Variants in HLA-DRB5 observed in about 807,000 individuals in gnomAD.
HLA-DRB5 encodes the protein major histocompatibility complex, class II, DR beta 5.
In HLA-DRB5, 11 loss-of-function variants were observed where a neutral mutation model predicts 22.4. The ratio of observed to expected loss-of-function variants is 0.49; its 90% CI spans 0.31 to 0.81. The LOEUF is 0.81. HLA-DRB5 is among the 40% of genes least tolerant of loss of function. The pLI is 0.05. For synonymous variants in HLA-DRB5, 57 were observed against 106.0 expected, an observed-to-expected ratio of 0.54 and a Z score of 2.84; for missense variants, 106 against 274.4, an observed-to-expected ratio of 0.39 and a Z score of 4.34.
intron 2 of HLA-DRB5, among the ~76,000 whole-genome samples, chr6:32,521,368 T>C (rs1341796301): frequency 7.6e-6 from 1 of 131,912 alleles, no homozygotes; most frequent in Admixed American, 7.9e-5. Flanking sequence ...TCAATTCCCC[T>C]AGAAATTAAT....
chr6:32,521,700 C>T (rs796230451), intron 2 of HLA-DRB5, among the ~76,000 whole-genome samples: 4 of 60,562 alleles, frequency 6.6e-5, no homozygotes, highest in African/African-American at 1.2e-4. Context: ...AAAGACAAAT[C>T]CACACTCTAC....
chr6:32,525,661 T>C (rs114202038), intron 1 of HLA-DRB5, among the ~76,000 whole-genome samples: 6,210 of 67,678 alleles, frequency 0.092, 5 homozygotes, highest in Admixed American at 0.12. Context: ...AAATTTGTGA[T>C]ACTGGGTTTT....
At chr6:32,524,793 C>A (rs113974887) in intron 1 of HLA-DRB5, among the ~76,000 whole-genome samples, 310 of 63,518 alleles carry the variant, frequency 4.9e-3, no homozygotes, top group African/African-American at 6.3e-3. Flanking sequence ...CTCATGTGTC[C>A]CACTTAGGGT....
chr6:32,521,930 A>C lies in HLA-DRB5; in HGVS notation c.345T>G (p.Gly115=), dbSNP rs41559714. ...DTYCRHNYGV[G]ESFTVQRRVE... Reference sequence around the variant, plus strand: ...CTCGCCGCTGCACTGTGAAGCTCTCACCAACCCCGTAGTTGTGTCTGCAGT... The same window carrying C: ...CTCGCCGCTGCACTGTGAAGCTCTCCCCAACCCCGTAGTTGTGTCTGCAGT... The change falls in exon 2 of 6, where the codon GGT becomes GGG. Residue 115 remains glycine (G), a synonymous_variant. Coordinates refer to ENST00000374975, the MANE Select transcript of HLA-DRB5 (RefSeq NM_002125.4). 38,609 of 1,165,532 alleles carry C rather than the reference A, an allele frequency of 0.033. 1,303 individuals are homozygous for C. Among genetic ancestry groups the C allele is most frequent in the Middle Eastern group, 0.11 (399 of 3,722 alleles). 72.2% of individuals were successfully genotyped at this position (1,165,532 alleles called of 1,614,324 possible).
Position 32,519,608 on chromosome 6 carries a change from C to G in HLA-DRB5, c.414G>C (p.Leu138=). The change falls in exon 3 of 6, where the codon CTG becomes CTC. Residue 138 remains leucine (L), a synonymous_variant. Coordinates refer to ENST00000374975, the MANE Select transcript of HLA-DRB5 (RefSeq NM_002125.4). ...AGCAGACCAGGAGGTTGTGGTGCTG[C>G]AGGGTCTGGGTCCTTGCAGGATACA... The part of the protein sequence containing the change: ...VTVYPARTQT[L]QHHNLLVCSV... 1.1e-6 allele frequency: 1 copy of G among 922,044 alleles called. No individual in the cohort carries two copies. Among genetic ancestry groups the G allele is most frequent in the Non-Finnish European group, 1.5e-6 (1 of 661,880 alleles). The allele number at this position is 922,044 out of a possible 1,614,324, so 57.1% of individuals were successfully genotyped here.
intron 2 of HLA-DRB5, 27 bp downstream of exon 2, chr6:32,521,878 C>T (rs182969435): frequency 0.36 from 267,881 of 743,618 alleles, 83,344 homozygotes; most frequent in Admixed American, 0.56. Context: ...TCACAAGGAC[C>T]CAGGCCCCGC....
At chr6:32,528,505 C>A (rs138509778) in intron 1 of HLA-DRB5, among the ~76,000 whole-genome samples, 4 of 42,244 alleles carry the variant, frequency 9.5e-5, no homozygotes, top group East Asian at 6.2e-4. Flanking sequence ...GCTCGAGCTC[C>A]AGCACTCTTT....
chr6:32,529,880 A>T (rs1369208694), intron 1 of HLA-DRB5, among the ~76,000 whole-genome samples: 1,543 of 123,654 alleles, frequency 0.012, no homozygotes, highest in East Asian at 0.02. Flanking sequence ...ATGTGATGAA[A>T]AGGTTTCATT....
At chr6:32,520,852 G>A (rs1195415421) in intron 2 of HLA-DRB5, among the ~76,000 whole-genome samples, 7,641 of 47,294 alleles carry the variant, frequency 0.16, 29 homozygotes, top group Non-Finnish European at 0.18. Flanking sequence ...TGGAGAAAAT[G>A]TGGAATCAAA....
intron 1 of HLA-DRB5, among the ~76,000 whole-genome samples, chr6:32,524,569 A>G (rs1351788424): frequency 1.4e-4 from 2 of 14,118 alleles, no homozygotes; most frequent in African/African-American, 5.4e-4. Flanking sequence ...TTTACAAAAC[A>G]TGAGCAGGTC....
intron 1 of HLA-DRB5, among the ~76,000 whole-genome samples, chr6:32,524,210 T>G (rs73407211): frequency 0.087 from 9,519 of 109,048 alleles, 386 homozygotes; most frequent in Admixed American, 0.11. Flanking sequence ...AGAATTCTGG[T>G]CCCAATACAG....
intron 1 of HLA-DRB5, among the ~76,000 whole-genome samples, chr6:32,528,161 A>G (rs1769841863): frequency 2.6e-5 from 2 of 77,804 alleles, no homozygotes; most frequent in East Asian, 6.6e-4. Context: ...TCTCAGCTGG[A>G]TGTCACTTTC....
At position 32,530,211 on chromosome 6, in the gene HLA-DRB5, T is replaced by TTCAGACACACCATGC. The variant is rs1581624055; in HGVS notation, c.-2_13dup (p.Leu4_Lys5insSerMetValCysLeu). Reference sequence around the variant, plus strand: ...TGCCATGTAGGAACCTCCAGGGAGCTTCAGACACACCATGCTGGAGAACAG... The same window carrying TTCAGACACACCATGC: ...TGCCATGTAGGAACCTCCAGGGAGCTTCAGACACACCATGCTCAGACACACCATGCTGGAGAACAG... On this transcript the variant is annotated inframe_insertion, in exon 1 of 6. Transcript: ENST00000374975. 1 of 1,112,018 alleles carries TTCAGACACACCATGC rather than the reference T, an allele frequency of 9.0e-7. No individual in the cohort carries two copies. The allele number at this position is 1,112,018 out of a possible 1,614,324, so 68.9% of individuals were successfully genotyped here.
chr6:32,524,825 C>T (rs114756915), intron 1 of HLA-DRB5, among the ~76,000 whole-genome samples: 5,146 of 60,358 alleles, frequency 0.085, 75 homozygotes, highest in Admixed American at 0.11. Flanking sequence ...ACAAATAAAA[C>T]CAGAGGATGC....
intron 1 of HLA-DRB5, among the ~76,000 whole-genome samples, chr6:32,529,637 G>A (rs1336853039): frequency 5.6e-5 from 7 of 126,126 alleles, no homozygotes; most frequent in African/African-American, 2.3e-4. Flanking sequence ...AGGTAATGGG[G>A]AGGCCACTGG....
At position 32,517,764 on chromosome 6, in the gene HLA-DRB5, G is replaced by A. The variant is rs201239487; in HGVS notation, c.788-12C>T. 8 of 467,630 alleles carry A rather than the reference G, an allele frequency of 1.7e-5. 4 individuals carry two copies. Among genetic ancestry groups the A allele is most frequent in the Non-Finnish European group, 2.4e-5 (8 of 340,272 alleles). 29.0% of individuals were successfully genotyped at this position (467,630 alleles called of 1,614,324 possible). On this transcript the variant is annotated splice_polypyrimidine_tract_variant and intron_variant, in intron 5 of 5. Transcript: ENST00000374975. ...TCAGCTCACGAGTCCTGCAGAGAGA[G>A]AGGAAAGTGTTGTTTTCAGACCTGG...
Position 32,518,507 on chromosome 6 carries a change from C to G in HLA-DRB5, c.763+49G>C. The G allele has an allele frequency of 4.0e-6, 2 of 502,564 alleles. 1 individual carries two copies. The highest frequency in any genetic ancestry group is 6.2e-6 in the Non-Finnish European group (2 of 324,690). 31.1% of individuals were successfully genotyped at this position (502,564 alleles called of 1,614,324 possible). A position where few individuals can be genotyped will look rare whatever the true frequency, so the allele number is the denominator to read the frequency against. ...AACTAACCTCAGCAAAGCCCTATTT[C>G]CTCCTCTGGAAAAGTCTATGGAGAG... is the stretch of plus-strand genomic sequence containing the variant. On this transcript the variant is annotated intron_variant, in intron 4 of 5. Transcript: ENST00000374975.
chr6:32,528,423 A>AAGTGTGGTTTACACG (rs1769893583), intron 1 of HLA-DRB5, among the ~76,000 whole-genome samples: 1 of 125,388 alleles, frequency 8.0e-6, no homozygotes, highest in African/African-American at 2.9e-5. Flanking sequence ...TGATAAAAAT[A>AAGTGTGGTTTACACG]ACTGTGGTTT....
At chr6:32,528,230 C>T (rs1008014728) in intron 1 of HLA-DRB5, among the ~76,000 whole-genome samples, 4 of 93,698 alleles carry the variant, frequency 4.3e-5, no homozygotes, top group African/African-American at 1.8e-4. Flanking sequence ...CTCTCTTTTC[C>T]ACAAACCTGA....
Sources: gnomAD v4.1 joint callset for allele counts (sites outside exome capture counted in the v4.1 genomes callset) on GRCh38, gnomAD v4.1.1 for gene constraint, MANE v1.5 for transcripts, NCBI Gene and HGNC (gene_info 2026-07-23, HGNC 2026-07-21) for gene names.